MCTP2: variants seen among roughly 807,000 people sequenced by gnomAD.
The protein encoded by MCTP2 is multiple C2 and transmembrane domain-containing protein 2.
MCTP2 carries 132 observed loss-of-function variants against 111.6 expected under a neutral mutation model. The ratio of observed to expected loss-of-function variants is 1.18; its 90% CI spans 1.03 to 1.37. The LOEUF is 1.37. Among genes scored for constraint, MCTP2 ranks in the 40% most tolerant of loss-of-function variants. MCTP2 has a pLI of 0.00. For synonymous variants in MCTP2, 395 were observed against 387.7 expected, an observed-to-expected ratio of 1.02 and a Z score of -0.22; for missense variants, 1,183 against 1,067.9, an observed-to-expected ratio of 1.11 and a Z score of -1.50.
chr15:94,327,253 T>C (rs1457150287), intron 4 of MCTP2, among the ~76,000 whole-genome samples: 1 of 152,238 alleles, frequency 6.6e-6, no homozygotes, highest in East Asian at 1.9e-4. Flanking sequence ...CTGTCAAGTT[T>C]ACTTAGTTTC....
At chr15:94,364,428 A>G (rs534913797) in intron 10 of MCTP2, among the ~76,000 whole-genome samples, 30 of 152,322 alleles carry the variant, frequency 2.0e-4, no homozygotes, top group African/African-American at 7.2e-4. Flanking sequence ...GTGACTAGAA[A>G]GACATAAGAG....
chr15:94,392,086 A>G (rs2152464698), intron 14 of MCTP2, among the ~76,000 whole-genome samples: 1 of 152,204 alleles, frequency 6.6e-6, no homozygotes, highest in East Asian at 1.9e-4. Flanking sequence ...TAAGGTTATT[A>G]TAAGGCCAGG....
chr15:94,338,648 C>G (rs1386271059), intron 4 of MCTP2, among the ~76,000 whole-genome samples: 1 of 152,068 alleles, frequency 6.6e-6, no homozygotes, highest in Non-Finnish European at 1.5e-5. Flanking sequence ...GGCGGGTCAG[C>G]GGTGTCAGCA....
chr15:94,395,813 G>C (rs1311401870), intron 14 of MCTP2, among the ~76,000 whole-genome samples: 1 of 152,094 alleles, frequency 6.6e-6, no homozygotes, highest in Non-Finnish European at 1.5e-5. Flanking sequence ...ACTTGGCTCT[G>C]GTTCCAAAGT....
At position 94,390,369 on chromosome 15, in the gene MCTP2, A is replaced by G. The variant is rs562258786; in HGVS notation, c.1788+4844A>G. On this transcript the variant is annotated intron_variant, in intron 14 of 22. Coordinates refer to ENST00000357742, the MANE Select transcript of MCTP2 (RefSeq NM_001385001.1). ...CCTTTAATCTTCTAATCAGTAACAC[A>G]ATAAGTGTGCATTGGAAAACTCTAA... 7.9e-5 allele frequency among the ~76,000 whole-genome samples: 12 copies of G among 152,278 alleles called. No individual in the cohort carries two copies. The East Asian group carries it at 2.1e-3, about 27-fold the overall frequency.
chr15:94,379,881 TATATATA>T (rs1173398183), intron 12 of MCTP2, among the ~76,000 whole-genome samples: 1 of 146,166 alleles, frequency 6.8e-6, no homozygotes. Context: ...AATCTATACT[TATATATA>T]ATATATATGA....
intron 14 of MCTP2, among the ~76,000 whole-genome samples, chr15:94,390,095 T>C (rs1321986886): frequency 3.2e-4 from 4 of 12,334 alleles, no homozygotes; most frequent in Non-Finnish European, 4.3e-4. Context: ...TATATGTATA[T>C]ATATATATAT....
chr15:94,397,885 T>C (rs1216519771), intron 14 of MCTP2, among the ~76,000 whole-genome samples: 2 of 152,228 alleles, frequency 1.3e-5, no homozygotes, highest in African/African-American at 4.8e-5. Flanking sequence ...GGAGTTTTGC[T>C]GAGGCCCTTT....
intron 1 of MCTP2, among the ~76,000 whole-genome samples, chr15:94,265,988 C>T (rs973412914): frequency 6.6e-6 from 1 of 152,162 alleles, no homozygotes; most frequent in African/African-American, 2.4e-5. Flanking sequence ...TCCATAGTTG[C>T]TTTGCAAGAT....
chr15:94,335,429 G>A lies in MCTP2; in HGVS notation c.638-3861G>A, dbSNP rs74028573. Among the ~76,000 whole-genome samples the A allele has an allele frequency of 3.5e-3, 528 of 152,294 alleles. 4 individuals carry two copies. The highest frequency in any genetic ancestry group is 0.012 in the African/African-American group (482 of 41,562). On this transcript the variant is annotated intron_variant, in intron 4 of 22. Coordinates refer to ENST00000357742, the MANE Select transcript of MCTP2 (RefSeq NM_001385001.1). ...TAAATTTGATGAAATAAAAATGAAA[G>A]TCACTTATTGTCAGAAATAACGTAA...
At chr15:94,386,852 A>C (rs2080516786) in intron 14 of MCTP2, among the ~76,000 whole-genome samples, 3 of 152,040 alleles carry the variant, frequency 2.0e-5, no homozygotes, top group African/African-American at 7.2e-5. Context: ...TTGTACCTAA[A>C]AGTTTTGTGT....
At chr15:94,267,369 T>C (rs2073600116) in intron 1 of MCTP2, among the ~76,000 whole-genome samples, 1 of 152,222 alleles carries the variant, frequency 6.6e-6, no homozygotes, top group South Asian at 2.1e-4. Flanking sequence ...AGCGTTATGC[T>C]ATGTTGTTTT....
intron 10 of MCTP2, among the ~76,000 whole-genome samples, chr15:94,362,784 G>A (rs540760134): frequency 6.6e-6 from 1 of 152,322 alleles, no homozygotes; most frequent in Admixed American, 6.5e-5. Flanking sequence ...TAAAACTTGA[G>A]CAGGTTTGTC....
At chr15:94,424,842 C>A (rs544148041) in intron 17 of MCTP2, among the ~76,000 whole-genome samples, 9 of 151,574 alleles carry the variant, frequency 5.9e-5, no homozygotes, top group African/African-American at 2.2e-4. Context: ...CATTTGGATC[C>A]CTCCTTCTTT....
chr15:94,273,512 TG>T, intron 1 of MCTP2: 1 of 178,926 alleles, frequency 5.6e-6, no homozygotes, highest in Middle Eastern at 1.3e-3. Context: ...TTCAATCGCT[TG>T]GTGACCTGGG....
chr15:94,455,210 G>A (rs2084743934), intron 19 of MCTP2, among the ~76,000 whole-genome samples: 2 of 152,116 alleles, frequency 1.3e-5, no homozygotes, highest in African/African-American at 4.8e-5. Flanking sequence ...AATTTAGAAG[G>A]CATTTACTTT....
intron 19 of MCTP2, among the ~76,000 whole-genome samples, chr15:94,450,554 TC>T (rs369730663): frequency 6.6e-6 from 1 of 152,250 alleles, no homozygotes; most frequent in African/African-American, 2.4e-5. Flanking sequence ...TCAATCTATT[TC>T]TAATGTTTAT....
intron 1 of MCTP2, among the ~76,000 whole-genome samples, chr15:94,243,979 A>T (rs955014859): frequency 3.4e-5 from 5 of 147,736 alleles, no homozygotes; most frequent in Admixed American, 3.4e-4. Flanking sequence ...ATATGTATAC[A>T]CATACATATG....
chr15:94,385,398 A>G (rs2080400961), intron 13 of MCTP2, 25 bp from the exon 14 acceptor site: 3 of 1,490,908 alleles, frequency 2.0e-6, no homozygotes, highest in Non-Finnish European at 2.8e-6. Flanking sequence ...GTTTTTGTGT[A>G]TAATACATGG....
Sources: allele counts gnomAD v4.1 joint callset (sites outside exome capture counted in the v4.1 genomes callset), GRCh38; gene constraint gnomAD v4.1.1; transcripts MANE v1.5; gene names NCBI Gene and HGNC (gene_info 2026-07-23, HGNC 2026-07-21).